Variants in EPHA6 observed in about 807,000 individuals in gnomAD.
EPHA6 encodes EPH receptor A6, also known as ephrin type-A receptor 6.
Under a neutral mutation model 112.0 loss-of-function variants are expected in EPHA6, and 50 were observed. The observed-to-expected ratio is 0.45, with a 90% CI of 0.36 to 0.56. The LOEUF (loss-of-function observed/expected upper bound fraction) is 0.56. EPHA6 is among the 20% of genes least tolerant of loss of function. The probability of loss-of-function intolerance (pLI) is 0.00; values close to 1 mark genes in which losing one functional copy is unlikely to be tolerated. For missense variants in EPHA6, 1,280 were observed against 1,417.4 expected (o/e 0.90, Z 1.56); for synonymous variants, 529 against 490.7 (o/e 1.08, Z -1.03).
chr3:97,607,502 G>A (rs1292054994), intron 12 of EPHA6, among the ~76,000 whole-genome samples: 1 of 151,168 alleles, frequency 6.6e-6, no homozygotes, highest in African/African-American at 2.4e-5. Context: ...ATTTCTTAGA[G>A]GATCTTCATT....
intron 5 of EPHA6, among the ~76,000 whole-genome samples, chr3:97,375,111 G>T (rs1323909257): frequency 1.3e-5 from 2 of 152,102 alleles, no homozygotes; most frequent in African/African-American, 2.4e-5. Context: ...AAGGTTCTCT[G>T]TCATTCCCCA....
intron 3 of EPHA6, among the ~76,000 whole-genome samples, chr3:97,224,958 T>A (rs71311313): frequency 1.3e-5 from 2 of 152,006 alleles, no homozygotes; most frequent in Admixed American, 1.3e-4. Context: ...TTTTTGTTTG[T>A]TTGTTTGTTT....
intron 2 of EPHA6, among the ~76,000 whole-genome samples, chr3:96,917,540 C>A (rs954730504): frequency 6.6e-6 from 1 of 151,868 alleles, no homozygotes; most frequent in Non-Finnish European, 1.5e-5. Context: ...AGTACCTCCA[C>A]TTTCCCATCT....
intron 14 of EPHA6, among the ~76,000 whole-genome samples, chr3:97,704,193 G>A (rs755745516): frequency 3.3e-5 from 5 of 152,134 alleles, no homozygotes; most frequent in Non-Finnish European, 7.4e-5. Flanking sequence ...ACTGGCCTAA[G>A]GGATGCCTGG....
At chr3:97,648,261 A>T in intron 14 of EPHA6, 1 of 855,944 alleles carries the variant, frequency 1.2e-6, no homozygotes, top group Non-Finnish European at 2.0e-6. Flanking sequence ...TTAACATCTT[A>T]ATTCTGTTTA....
intron 1 of EPHA6, among the ~76,000 whole-genome samples, chr3:96,852,256 G>A (rs558272901): frequency 6.6e-6 from 1 of 152,054 alleles, no homozygotes; most frequent in East Asian, 1.9e-4. Context: ...CACTTTGGGA[G>A]GCTGACCTGG....
At chr3:97,213,154 G>T (rs568511810) in intron 3 of EPHA6, among the ~76,000 whole-genome samples, 6 of 152,110 alleles carry the variant, frequency 3.9e-5, no homozygotes, top group Non-Finnish European at 7.3e-5. Flanking sequence ...CATGTTCTCC[G>T]GGTAGTTTCT....
At position 97,644,192 on chromosome 3, in the gene EPHA6, G is replaced by T. The variant is rs1307547656; in HGVS notation, c.2784+6110G>T. Among the ~76,000 whole-genome samples, 8 of 152,084 alleles carry T rather than the reference G, an allele frequency of 5.3e-5. No homozygotes were observed. In the South Asian group the frequency reaches 6.2e-4, roughly 12 times the overall value. On this transcript the variant is annotated intron_variant, in intron 14 of 17. Coordinates refer to ENST00000389672, the MANE Select transcript of EPHA6 (RefSeq NM_001080448.3). ...ACAACCTGCTCCTGAATGACTACTG[G>T]ATACATAACGAAATTAAGGCAGAAA...
At chr3:97,132,764 T>C (rs761085322) in intron 3 of EPHA6, among the ~76,000 whole-genome samples, 5 of 152,032 alleles carry the variant, frequency 3.3e-5, no homozygotes, top group Non-Finnish European at 7.4e-5. Context: ...CCCTAAAAAG[T>C]GTGGCTCTGA....
intron 3 of EPHA6, among the ~76,000 whole-genome samples, chr3:97,093,002 T>C (rs960103406): frequency 3.9e-5 from 6 of 152,102 alleles, no homozygotes; most frequent in African/African-American, 9.7e-5. Flanking sequence ...GTGGGTAGAA[T>C]AAGAGAACCT....
intron 7 of EPHA6, chr3:97,466,258 T>C (rs201899223): frequency 1.5e-4 from 166 of 1,102,328 alleles, no homozygotes; most frequent in Non-Finnish European, 1.9e-4. Context: ...AATCAAAAGA[T>C]GACAGTAAGG....
chr3:97,632,796 G>A (rs901400936), intron 13 of EPHA6, among the ~76,000 whole-genome samples: 1 of 152,090 alleles, frequency 6.6e-6, no homozygotes, highest in African/African-American at 2.4e-5. Context: ...CAAGGGTCAG[G>A]TCTTTGTATT....
chr3:97,479,067 C>G (rs2091455022), intron 8 of EPHA6, among the ~76,000 whole-genome samples: 1 of 152,042 alleles, frequency 6.6e-6, no homozygotes, highest in Non-Finnish European at 1.5e-5. Context: ...TAAATATTTT[C>G]TAAGACTCCT....
intron 10 of EPHA6, among the ~76,000 whole-genome samples, chr3:97,490,671 G>A (rs1002144839): frequency 5.3e-5 from 8 of 152,080 alleles, no homozygotes; most frequent in Non-Finnish European, 8.8e-5. Context: ...CCCACATATC[G>A]ACAGCAACAA....
intron 11 of EPHA6, among the ~76,000 whole-genome samples, chr3:97,558,613 TTAA>T (rs2093147004): frequency 6.6e-6 from 1 of 152,022 alleles, no homozygotes; most frequent in Admixed American, 6.6e-5. Flanking sequence ...TAAGGAAATA[TTAA>T]TGTGTTTCAG....
intron 2 of EPHA6, among the ~76,000 whole-genome samples, chr3:96,884,024 CT>C (rs1204052639): frequency 1.3e-5 from 2 of 151,928 alleles, no homozygotes; most frequent in Non-Finnish European, 2.9e-5. Context: ...GATCAGTTGG[CT>C]TTTAAGTATT....
intron 5 of EPHA6, among the ~76,000 whole-genome samples, chr3:97,264,197 A>C (rs2079597076): frequency 1.3e-5 from 2 of 152,222 alleles, no homozygotes; most frequent in Admixed American, 6.5e-5. Context: ...CACTAGGCTC[A>C]TTCCATCCAC....
chr3:97,434,019 T>C (rs2089672547), intron 6 of EPHA6, among the ~76,000 whole-genome samples: 1 of 149,130 alleles, frequency 6.7e-6, no homozygotes, highest in African/African-American at 2.6e-5. Flanking sequence ...GAGATTCTTA[T>C]ACTATGATTA....
chr3:97,411,890 G>A (rs1021880846), intron 6 of EPHA6, among the ~76,000 whole-genome samples: 8 of 151,964 alleles, frequency 5.3e-5, no homozygotes, highest in African/African-American at 1.2e-4. Context: ...AGGGGGAGTC[G>A]CTTAACAAGA....
Sources: allele counts gnomAD v4.1 joint callset (sites outside exome capture counted in the v4.1 genomes callset), GRCh38; gene constraint gnomAD v4.1.1; transcripts MANE v1.5; gene names NCBI Gene and HGNC (gene_info 2026-07-23, HGNC 2026-07-21).